RNLS: variants seen among roughly 807,000 people sequenced by gnomAD.
RNLS encodes the protein renalase.
Under a neutral mutation model 39.8 loss-of-function variants are expected in RNLS, and 39 were observed. The ratio of observed to expected loss-of-function variants is 0.98; its 90% confidence interval spans 0.76 to 1.28. The LOEUF (loss-of-function observed/expected upper bound fraction) is 1.28, where lower values mean the gene tolerates loss of function less well. Among genes scored for constraint, RNLS ranks in the 50% most tolerant of loss-of-function variants. The pLI, the probability that RNLS is intolerant of heterozygous loss-of-function variation, is 0.00. For missense variants in RNLS, 410 were observed against 413.3 expected, an observed-to-expected ratio of 0.99 and a Z score of 0.07; for synonymous variants, 147 against 150.7, an observed-to-expected ratio of 0.98 and a Z score of 0.18.
chr10:88,248,006 G>A, the RNLS span, among the ~76,000 whole-genome samples: 1 of 152,186 alleles, frequency 6.6e-6, no homozygotes, highest in Non-Finnish European at 1.5e-5. Flanking sequence ...CTTGATGTGA[G>A]CTCAGAGATG....
chr10:88,423,689 T>C (rs1417324020), intron 4 of RNLS, among the ~76,000 whole-genome samples: 2 of 152,248 alleles, frequency 1.3e-5, no homozygotes, highest in African/African-American at 4.8e-5. Flanking sequence ...GCAATCTTGC[T>C]ATTTATCTGT....
chr10:88,374,334 A>G (rs566803945), intron 4 of RNLS, among the ~76,000 whole-genome samples: 1 of 152,126 alleles, frequency 6.6e-6, no homozygotes, highest in Non-Finnish European at 1.5e-5. Flanking sequence ...TTAACAAGGT[A>G]TCTGTTTTTA....
chr10:88,408,759 G>A (rs1853460023), intron 4 of RNLS, among the ~76,000 whole-genome samples: 1 of 151,964 alleles, frequency 6.6e-6, no homozygotes, highest in South Asian at 2.1e-4. Flanking sequence ...TCTATGAAAA[G>A]TTTGATTTGT....
intron 4 of RNLS, among the ~76,000 whole-genome samples, chr10:88,482,036 CT>C (rs1844212320): frequency 6.6e-6 from 1 of 152,006 alleles, no homozygotes; most frequent in African/African-American, 2.4e-5. Flanking sequence ...ATAAATTCCT[CT>C]CTATGTCATG....
chr10:88,302,062 T>C (rs1311738324), intron 6 of RNLS, among the ~76,000 whole-genome samples: 4 of 152,250 alleles, frequency 2.6e-5, no homozygotes. Flanking sequence ...TTTTCTACTG[T>C]GTTCTCTCAT....
At chr10:88,314,425 A>G in intron 6 of RNLS, 41 bp downstream of exon 6, 1 of 1,597,398 alleles carries the variant, frequency 6.3e-7, no homozygotes, top group Admixed American at 1.7e-5. Flanking sequence ...TGAGCCTGTT[A>G]AGAAAATTGT....
At chr10:88,403,522 A>C (rs959749519) in intron 4 of RNLS, among the ~76,000 whole-genome samples, 2 of 152,118 alleles carry the variant, frequency 1.3e-5, no homozygotes, top group African/African-American at 4.8e-5. Flanking sequence ...ATTTTGGGTC[A>C]CATTGGGATT....
Position 88,553,744 on chromosome 10 carries a change from C to T in RNLS, c.526+19159G>A, listed in dbSNP as rs116139194. Among the ~76,000 whole-genome samples, 344 of 152,168 alleles carry T rather than the reference C, an allele frequency of 2.3e-3. 2 individuals carry two copies. The highest frequency in any genetic ancestry group is 7.7e-3 in the African/African-American group (319 of 41,546). ...ATTCTACATTGTACCACATAGAAGC[C>T]TGGTTCTTTAAATATATTAGTTCAA... On this transcript the variant is annotated intron_variant, in intron 4 of 6. Coordinates refer to ENST00000331772, the MANE Select transcript of RNLS (RefSeq NM_001031709.3).
At chr10:88,578,605 T>C (rs1474942836) in intron 3 of RNLS, among the ~76,000 whole-genome samples, 1 of 152,036 alleles carries the variant, frequency 6.6e-6, no homozygotes, top group African/African-American at 2.4e-5. Flanking sequence ...AAAATTTATA[T>C]AAACTCAAGT....
intron 4 of RNLS, among the ~76,000 whole-genome samples, chr10:88,414,402 T>C (rs923411857): frequency 6.6e-6 from 1 of 152,178 alleles, no homozygotes; most frequent in Admixed American, 6.6e-5. Flanking sequence ...ACTGCTCACA[T>C]GATGGGATCT....
At chr10:88,395,508 T>G (rs1478025044) in intron 4 of RNLS, among the ~76,000 whole-genome samples, 1 of 151,778 alleles carries the variant, frequency 6.6e-6, no homozygotes, top group East Asian at 1.9e-4. Context: ...GCAGGCAGAA[T>G]AAAGAATCAG....
intron 6 of RNLS, among the ~76,000 whole-genome samples, chr10:88,303,526 C>G (rs1399368347): frequency 6.6e-6 from 1 of 152,192 alleles, no homozygotes; most frequent in Non-Finnish European, 1.5e-5. Flanking sequence ...CCTCTACAAC[C>G]ATGCACCAGC....
chr10:88,265,323 C>CTTTTTTTTTTTTTTTT, the RNLS span, among the ~76,000 whole-genome samples: 3 of 59,068 alleles, frequency 5.1e-5, no homozygotes, highest in Non-Finnish European at 9.5e-5. Context: ...CAGGGTTTTT[C>CTTTTTTTTTTTTTTTT]TTTTTTTTTT....
At chr10:88,555,297 C>T (rs1486613773) in intron 4 of RNLS, among the ~76,000 whole-genome samples, 1 of 151,970 alleles carries the variant, frequency 6.6e-6, no homozygotes, top group Non-Finnish European at 1.5e-5. Flanking sequence ...TCAATGTCAC[C>T]TTTATCCTCT....
At position 88,572,575 on chromosome 10, in the gene RNLS, C is replaced by T. The variant is rs1369764974; in HGVS notation, c.526+328G>A. Among the ~76,000 whole-genome samples, 2 of 152,164 alleles carry T rather than the reference C, an allele frequency of 1.3e-5. 1 individual carries two copies. Among genetic ancestry groups the T allele is most frequent in the African/African-American group, 4.8e-5 (2 of 41,444 alleles). The stretch of plus-strand genomic sequence containing the variant: ...GGAAAGGAGGCAATCCAAGCAAGTA[C>T]TTGTACATAAAAATCTTTTCTCAAA... On this transcript the variant is annotated intron_variant, in intron 4 of 6. Coordinates refer to ENST00000331772, the MANE Select transcript of RNLS (RefSeq NM_001031709.3).
chr10:88,511,034 A>C (rs1429642691), intron 4 of RNLS, among the ~76,000 whole-genome samples: 4 of 146,692 alleles, frequency 2.7e-5, no homozygotes, highest in African/African-American at 7.4e-5. Context: ...AAAAAAAAAA[A>C]CCAAAAACCT....
intron 5 of RNLS, among the ~76,000 whole-genome samples, chr10:88,340,195 A>C (rs923511606): frequency 1.3e-5 from 2 of 152,208 alleles, no homozygotes; most frequent in African/African-American, 4.8e-5. Flanking sequence ...CACAGGATAA[A>C]AATCCTTGTA....
At chr10:88,209,898 C>T in the RNLS span, among the ~76,000 whole-genome samples, 1 of 152,106 alleles carries the variant, frequency 6.6e-6, no homozygotes, top group African/African-American at 2.4e-5. Flanking sequence ...GAGAAAGAAC[C>T]TCAGGAGCTG....
chr10:88,347,853 G>A (rs1196501436), intron 5 of RNLS, among the ~76,000 whole-genome samples: 1 of 152,068 alleles, frequency 6.6e-6, no homozygotes, highest in Non-Finnish European at 1.5e-5. Context: ...ATTAGGCAGA[G>A]TAATTTAGCT....
Sources: gnomAD v4.1 joint callset for allele counts (sites outside exome capture counted in the v4.1 genomes callset) on GRCh38, gnomAD v4.1.1 for gene constraint, MANE v1.5 for transcripts, NCBI Gene and HGNC (gene_info 2026-07-23, HGNC 2026-07-21) for gene names.